The following ARHGAP45 variants were observed in gnomAD, a reference collection of about 807,000 sequenced individuals.
The protein encoded by ARHGAP45 is Rho GTPase activating protein 45.
In ARHGAP45, 56 loss-of-function variants were observed where a neutral mutation model predicts 116.1. The observed-to-expected ratio is 0.48, with a 90% CI of 0.39 to 0.60. The LOEUF is 0.60. ARHGAP45 is among the 20% of genes least tolerant of loss of function. ARHGAP45 has a pLI of 0.00. For missense variants in ARHGAP45, 1,622 were observed against 1,601.0 expected (o/e 1.01, Z -0.22); for synonymous variants, 866 against 701.7 (o/e 1.23, Z -3.70).
At chr19:1,070,527 A>G (rs1465250476) in intron 2 of ARHGAP45, among the ~76,000 whole-genome samples, 1 of 116,428 alleles carries the variant, frequency 8.6e-6, no homozygotes, top group Non-Finnish European at 1.7e-5. Flanking sequence ...TTTTTTTTTT[A>G]GTAGAGATGG....
chr19:1,080,035 C>T lies in ARHGAP45; in HGVS notation c.1620C>T (p.Tyr540=), dbSNP rs764332453. ...SSKLYDPGQQ[Y]ASHVRQLQRD... ...AGCTGTATGACCCAGGCCAGCAGTA[C>T]GCCTCCCACGTGCGCCAGCTGCAGC... Residue 540 remains tyrosine, a synonymous_variant, in exon 13 of 23, where the codon TAC becomes TAT. Coordinates refer to ENST00000313093, the MANE Select transcript of ARHGAP45 (RefSeq NM_012292.5). 6 of 1,612,760 alleles carry T rather than the reference C, an allele frequency of 3.7e-6. No homozygotes were observed. The highest frequency in any genetic ancestry group is 1.1e-5 in the South Asian group (1 of 91,090).
Position 1,073,986 on chromosome 19 carries a change from G to T in ARHGAP45, c.762G>T (p.Thr254=). 1 of 1,592,668 alleles carries T rather than the reference G, an allele frequency of 6.3e-7. No individual in the cohort carries two copies. Among genetic ancestry groups the T allele is most frequent in the Non-Finnish European group, 8.5e-7 (1 of 1,170,428 alleles). ...TGTATGGACCGGGCAGTGAGGGCAC[G>T]CCTCCCAGCCTGGAAGACTGTGACG... ...ESLYGPGSEG[T]PPSLEDCDAG... Residue 254 remains threonine (T), a synonymous_variant, in exon 6 of 23, where the codon ACG becomes ACT. Transcript: ENST00000313093.
At chr19:1,074,432 G>A (rs1340899270) in intron 8 of ARHGAP45, 25 bp downstream of exon 8, 3 of 1,496,184 alleles carry the variant, frequency 2.0e-6, no homozygotes, top group Non-Finnish European at 2.7e-6. Context: ...GGCACGGGGC[G>A]GGGGTCCCTG....
chr19:1,083,110 C>A (rs975390566), intron 20 of ARHGAP45, 33 bp from the exon 21 acceptor site: 12 of 1,578,546 alleles, frequency 7.6e-6, no homozygotes, highest in African/African-American at 1.3e-5. Context: ...GTCCCGGGAG[C>A]CGCTCAGCAC....
rs549551924 is a variant in ARHGAP45, at chr19:1,068,024, G to C, written c.91-390G>C. ...GCCTGGGGCTGCCCATAGGCTCTGGGGTTCCATGGACCTTTAGGGGACAGA... is the reference window on the plus strand; with the variant it reads ...GCCTGGGGCTGCCCATAGGCTCTGGCGTTCCATGGACCTTTAGGGGACAGA... On this transcript the variant is annotated intron_variant, in intron 1 of 22. Coordinates refer to ENST00000313093, the MANE Select transcript of ARHGAP45 (RefSeq NM_012292.5). The surrounding 1 kb of genome is among the most constrained non-coding windows in gnomAD (Gnocchi z 7.5). Among the ~76,000 whole-genome samples, 260 of 152,072 alleles carry C rather than the reference G, an allele frequency of 1.7e-3. 2 individuals are homozygous for C. The highest frequency in any genetic ancestry group is 5.9e-3 in the African/African-American group (243 of 41,462).
chr19:1,083,488 G>A, intron 21 of ARHGAP45, 135 bp downstream of exon 21: 1 of 738,994 alleles, frequency 1.4e-6, no homozygotes, highest in Non-Finnish European at 2.2e-6. Flanking sequence ...CTGTTCGGGA[G>A]GCCACTGTCT....
At chr19:1,083,499 T>C in intron 21 of ARHGAP45, 146 bp downstream of exon 21, 1 of 692,510 alleles carries the variant, frequency 1.4e-6, no homozygotes. Context: ...GCCACTGTCT[T>C]TTTGTGTCTT....
Position 1,071,687 on chromosome 19 carries a change from C to G in ARHGAP45, c.422-1462C>G, listed in dbSNP as rs1050064312. On this transcript the variant is annotated intron_variant, in intron 2 of 22. Coordinates refer to ENST00000313093, the MANE Select transcript of ARHGAP45 (RefSeq NM_012292.5). The surrounding 1 kb of genome is among the most constrained non-coding windows in gnomAD (Gnocchi z 4.6). ...AATCCCATTCCCGGAGTCCGCCTCG[C>G]ATCCAGCAGCGAAGACATGTTCCGG... 6.6e-6 allele frequency: 1 copy of G among 152,590 alleles called. No individual in the cohort carries two copies. The highest frequency in any genetic ancestry group is 2.4e-5 in the African/African-American group (1 of 41,436). The allele number at this position is 152,590 out of a possible 1,614,324, so 9.5% of individuals were successfully genotyped here.
At position 1,073,722 on chromosome 19, in the gene ARHGAP45, A is replaced by C; in HGVS notation, c.699A>C (p.Ala233=). The change falls in exon 5 of 23, where the codon GCA becomes GCC. Residue 233 remains alanine, a synonymous_variant. Transcript: ENST00000313093. The stretch of plus-strand genomic sequence containing the variant: ...AAGTGGACAGCAGCACCCTCCTAGC[A>C]GTGCCTCCTGGGGACTCGAGCCAGG... ...MGEVDSSTLL[A]VPPGDSSQSM... The C allele has an allele frequency of 6.3e-7, 1 of 1,599,544 alleles. No individual in the cohort carries two copies. Among genetic ancestry groups the C allele is most frequent in the Non-Finnish European group, 8.5e-7 (1 of 1,172,800 alleles).
At position 1,085,984 on chromosome 19, in the gene ARHGAP45, A is replaced by G. The variant is rs1318593762; in HGVS notation, c.3389A>G (p.Glu1130Gly). The G allele has an allele frequency of 2.5e-6, 4 of 1,612,242 alleles. No individual in the cohort carries two copies. Among genetic ancestry groups the G allele is most frequent in the Non-Finnish European group, 3.4e-6 (4 of 1,179,634 alleles). ...GGRMTLGSCR[E>G]RQPEFV Reference sequence around the variant, plus strand: ...CGGATGACACTGGGCTCCTGCAGGGAAAGGCAGCCGGAATTCGTGTGAGCT... The same window carrying G: ...CGGATGACACTGGGCTCCTGCAGGGGAAGGCAGCCGGAATTCGTGTGAGCT... Residue 1130 changes from glutamate (E) to glycine (G), a missense_variant, in exon 23 of 23, where the codon GAA becomes GGA. Coordinates refer to ENST00000313093, the MANE Select transcript of ARHGAP45 (RefSeq NM_012292.5).
chr19:1,081,657 G>A lies in ARHGAP45; in HGVS notation c.2298G>A (p.Ala766=). ...LQLFGQDFSH[A]ARSAPDGVPF... Reference sequence around the variant, plus strand: ...TGTTCGGCCAGGACTTCAGCCACGCGGCCCGCAGCGCCCCCGACGGCGTGC... The same window carrying A: ...TGTTCGGCCAGGACTTCAGCCACGCAGCCCGCAGCGCCCCCGACGGCGTGC... Residue 766 remains alanine (A), a synonymous_variant, in exon 18 of 23, where the codon GCG becomes GCA. Coordinates refer to ENST00000313093, the MANE Select transcript of ARHGAP45 (RefSeq NM_012292.5). 6.3e-7 allele frequency: 1 copy of A among 1,582,844 alleles called. No individual in the cohort carries two copies. The highest frequency in any genetic ancestry group is 8.6e-7 in the Non-Finnish European group (1 of 1,165,162).
intron 10 of ARHGAP45, among the ~76,000 whole-genome samples, chr19:1,076,483 C>CTTTTTTTTTTTTTT (rs71174343): frequency 4.6e-5 from 3 of 64,980 alleles, no homozygotes; most frequent in African/African-American, 1.8e-4. Flanking sequence ...TGGCAGTAGT[C>CTTTTTTTTTTTTTT]TTTTTTTTTT....
At chr19:1,079,189 A>T (rs2043351787) in intron 11 of ARHGAP45, among the ~76,000 whole-genome samples, 1 of 148,932 alleles carries the variant, frequency 6.7e-6, no homozygotes, top group African/African-American at 2.5e-5. Flanking sequence ...CAAAAAAAAA[A>T]AAAAATTCTT....
chr19:1,075,806 CTA>C (rs2043235320), intron 10 of ARHGAP45, among the ~76,000 whole-genome samples: 1 of 152,188 alleles, frequency 6.6e-6, no homozygotes, highest in African/African-American at 2.4e-5. Context: ...TGTATACTCA[CTA>C]TGTTGCCCAG....
chr19:1,071,315 G>T lies in ARHGAP45; in HGVS notation c.422-1834G>T. ...TGTGTATCTGCGGGACGGCGCACCC[G>T]GTGCTGGACGAGGGCCCCGTGCGCT... is the stretch of plus-strand genomic sequence containing the variant. On this transcript the variant is annotated intron_variant, in intron 2 of 22. Transcript: ENST00000313093. This position sits in a 1 kb window ranked among gnomAD's most constrained non-coding sequence, Gnocchi z 4.6. 1 of 1,432,846 alleles carries T rather than the reference G, an allele frequency of 7.0e-7. No homozygotes were observed. The highest frequency in any genetic ancestry group is 9.1e-7 in the Non-Finnish European group (1 of 1,100,116). The allele number at this position is 1,432,846 out of a possible 1,614,324, so 88.8% of individuals were successfully genotyped here. A position where few individuals can be genotyped will look rare whatever the true frequency, so the allele number is the denominator to read the frequency against.
At chr19:1,075,020 C>A in intron 10 of ARHGAP45, 141 bp downstream of exon 10, 1 of 526,872 alleles carries the variant, frequency 1.9e-6, no homozygotes, top group Non-Finnish European at 2.6e-6. Context: ...GCCTCGCAGG[C>A]TGGGCCGCCC....
intron 21 of ARHGAP45, among the ~76,000 whole-genome samples, chr19:1,083,562 C>T (rs1335714530): frequency 6.6e-6 from 1 of 152,170 alleles, no homozygotes; most frequent in Non-Finnish European, 1.5e-5. Context: ...GGTGCAAAGG[C>T]TCTGCGGCCG....
chr19:1,073,281 C>T lies in ARHGAP45; in HGVS notation c.554C>T (p.Ala185Val). The part of the protein sequence containing the change: ...ETLTAAGTLI[A>V]KVKAFHYESN... Reference sequence around the variant, plus strand: ...CTCACCGCAGCCGGCACCCTCATTGCCAAGGTCAAAGGTCAGCCTGCTGGA... The same window carrying T: ...CTCACCGCAGCCGGCACCCTCATTGTCAAGGTCAAAGGTCAGCCTGCTGGA... The change falls in exon 3 of 23, where the codon GCC (alanine) becomes GTC (valine). Residue 185 changes from alanine (A) to valine (V), a missense_variant. Coordinates refer to ENST00000313093, the MANE Select transcript of ARHGAP45 (RefSeq NM_012292.5). 6.2e-7 allele frequency: 1 copy of T among 1,613,444 alleles called. No individual in the cohort carries two copies. The highest frequency in any genetic ancestry group is 8.5e-7 in the Non-Finnish European group (1 of 1,179,924).
At chr19:1,067,808 C>T in intron 1 of ARHGAP45, 1 of 612,150 alleles carries the variant, frequency 1.6e-6, no homozygotes, top group Non-Finnish European at 2.9e-6. Flanking sequence ...GGGGCTTAGG[C>T]AATCTGGGGG....
Sources: allele counts gnomAD v4.1 joint callset (sites outside exome capture counted in the v4.1 genomes callset), GRCh38; gene constraint gnomAD v4.1.1; non-coding constraint Gnocchi (gnomAD v3.1); transcripts MANE v1.5; gene names NCBI Gene and HGNC (gene_info 2026-07-23, HGNC 2026-07-21).